Variants in PHACTR2 observed in about 807,000 individuals in gnomAD.
PHACTR2 encodes phosphatase and actin regulator 2, also known as chromosome 6 open reading frame 56.
Under a neutral mutation model 76.0 loss-of-function variants are expected in PHACTR2, and 30 were observed. The ratio of observed to expected loss-of-function variants is 0.39; its 90% confidence interval spans 0.30 to 0.54. The LOEUF (loss-of-function observed/expected upper bound fraction) is 0.54, where lower values mean the gene tolerates loss of function less well. Among genes scored for constraint, PHACTR2 ranks in the 20% least tolerant of loss-of-function variants. The probability of loss-of-function intolerance (pLI) is 0.61; values close to 1 mark genes in which losing one functional copy is unlikely to be tolerated. For missense variants in PHACTR2, 696 were observed against 781.1 expected (o/e 0.89, Z 1.30); for synonymous variants, 292 against 292.5 (o/e 1.00, Z 0.02).
At chr6:143,579,421 A>T (rs1482693377) in intron 1 of PHACTR2, among the ~76,000 whole-genome samples, 1 of 152,146 alleles carries the variant, frequency 6.6e-6, no homozygotes, top group Non-Finnish European at 1.5e-5. Flanking sequence ...GTAGAAAACA[A>T]AACAACAACA....
At position 143,618,002 on chromosome 6, in the gene PHACTR2, T is replaced by C. The variant is rs186838797; in HGVS notation, c.13+9680T>C. On this transcript the variant is annotated intron_variant, in intron 1 of 11. Transcript: ENST00000305766. This position sits in a 1 kb window ranked among gnomAD's most constrained non-coding sequence, Gnocchi z 5.2. ...AAAAACTATTTCTAAAGAGACTACA[T>C]GTGAAATTTAACTAAAAAGAGATGT... Among the ~76,000 whole-genome samples, 1 of 152,270 alleles carries C rather than the reference T, an allele frequency of 6.6e-6. No homozygotes were observed. Among genetic ancestry groups the C allele is most frequent in the African/African-American group, 2.4e-5 (1 of 41,558 alleles).
In PHACTR2 at chr6:143,616,606, T is replaced by C. The variant is rs1011150747; in HGVS notation, c.13+8284T>C. 4.6e-5 allele frequency among the ~76,000 whole-genome samples: 7 copies of C among 152,128 alleles called. No individual in the cohort carries two copies. Among genetic ancestry groups the C allele is most frequent in the African/African-American group, 1.4e-4 (6 of 41,412 alleles). On this transcript the variant is annotated intron_variant, in intron 1 of 11. Coordinates refer to the PHACTR2 transcript ENST00000305766. This position sits in a 1 kb window ranked among gnomAD's most constrained non-coding sequence, Gnocchi z 4.9. ...CTGTGCCACGCAATGTCCTAGTTAG[T>C]GTGGATATGAGAGAATGAAACGGAG...
Position 143,760,694 on chromosome 6 carries a change from G to T in PHACTR2, c.694+54G>T. The T allele has an allele frequency of 6.3e-7, 1 of 1,584,398 alleles. No individual in the cohort carries two copies. Among genetic ancestry groups the T allele is most frequent in the African/African-American group, 1.4e-5 (1 of 73,650 alleles). ...TCACTTCTAGGGTGCTTGGCTCTGG[G>T]ATGGGGCTAATTGTTTCTTCTAGGT... On this transcript the variant is annotated intron_variant, in intron 5 of 12. Transcript: ENST00000440869. The surrounding 1 kb of genome is among the most constrained non-coding windows in gnomAD (Gnocchi z 6.4).
At chr6:143,642,004 G>A (rs34549423) in intron 1 of PHACTR2, among the ~76,000 whole-genome samples, 6,454 of 152,234 alleles carry the variant, frequency 0.042, 173 homozygotes, top group Middle Eastern at 0.082. Context: ...CTACATAGAG[G>A]TGAATTATAT....
At chr6:143,804,988 C>G (rs1776032855) in intron 11 of PHACTR2, among the ~76,000 whole-genome samples, 1 of 152,100 alleles carries the variant, frequency 6.6e-6, no homozygotes, top group Admixed American at 6.5e-5. Context: ...TCCTGGTTTT[C>G]CAGATAAGAA....
chr6:143,814,256 T>C (rs944337416), intron 12 of PHACTR2, among the ~76,000 whole-genome samples: 2 of 152,194 alleles, frequency 1.3e-5, no homozygotes, highest in Non-Finnish European at 2.9e-5. Context: ...CTTGGTAGGC[T>C]GAGGCACAAG....
At chr6:143,786,449 C>T (rs562712077) in intron 10 of PHACTR2, among the ~76,000 whole-genome samples, 9 of 152,322 alleles carry the variant, frequency 5.9e-5, no homozygotes, top group African/African-American at 1.4e-4. Context: ...TTCCTATCTT[C>T]TTCTGAGCCT....
Position 143,772,599 on chromosome 6 carries a change from G to A in PHACTR2, c.1432+142G>A. On this transcript the variant is annotated intron_variant, in intron 7 of 12. Transcript: ENST00000440869. This position sits in a 1 kb window ranked among gnomAD's most constrained non-coding sequence, Gnocchi z 5.4. Reference sequence around the variant, plus strand: ...TCCTCCTTTCTCAAATTAGAAATGTGTATATCCTAAAGTTTAGCTTTTGAT... The same window carrying A: ...TCCTCCTTTCTCAAATTAGAAATGTATATATCCTAAAGTTTAGCTTTTGAT... 1 of 660,462 alleles carries A rather than the reference G, an allele frequency of 1.5e-6. No individual in the cohort carries two copies. The highest frequency in any genetic ancestry group is 2.6e-6 in the Non-Finnish European group (1 of 381,652). The allele number at this position is 660,462 out of a possible 1,614,324, so 40.9% of individuals were successfully genotyped here. A position where few individuals can be genotyped will look rare whatever the true frequency, so the allele number is the denominator to read the frequency against.
intron 1 of PHACTR2, among the ~76,000 whole-genome samples, chr6:143,609,747 T>C (rs1775947829): frequency 6.6e-6 from 1 of 152,230 alleles, no homozygotes; most frequent in African/African-American, 2.4e-5. Context: ...ATCACTTTAA[T>C]TCAAGTAAAT....
In PHACTR2 at chr6:143,755,416, G is replaced by T. The variant is rs189519357; in HGVS notation, c.454+1504G>T. 11 of 455,268 alleles carry T rather than the reference G, an allele frequency of 2.4e-5. No homozygotes were observed. In the Admixed American group the frequency reaches 2.6e-4, roughly 11 times the overall value. The allele number at this position is 455,268 out of a possible 1,614,324, so 28.2% of individuals were successfully genotyped here. ...ATCTCTGGTGCCTGGTCCGTGCAGG[G>T]TATTCGTCACTGGACTGGCCAGACA... On this transcript the variant is annotated intron_variant, in intron 4 of 12. Coordinates refer to ENST00000440869, the MANE Select transcript of PHACTR2 (RefSeq NM_001100164.2). This position sits in a 1 kb window ranked among gnomAD's most constrained non-coding sequence, Gnocchi z 5.2.
At chr6:143,569,983 AT>A (rs1417289754) in intron 1 of PHACTR2, among the ~76,000 whole-genome samples, 1 of 152,230 alleles carries the variant, frequency 6.6e-6, no homozygotes, top group Admixed American at 6.5e-5. Flanking sequence ...ACAGAATTCG[AT>A]TCAGTAGATG....
Position 143,618,256 on chromosome 6 carries a change from A to AACACACACAC in PHACTR2, c.13+9955_13+9964dup, listed in dbSNP as rs66800720. ...GTTCCACCTTGTACTTCCTGCTCCA[A>AACACACACAC]ACACACACACACACACACACACACA... On this transcript the variant is annotated intron_variant, in intron 1 of 11. Coordinates refer to the PHACTR2 transcript ENST00000305766. This position sits in a 1 kb window ranked among gnomAD's most constrained non-coding sequence, Gnocchi z 5.2. 4.6e-3 allele frequency among the ~76,000 whole-genome samples: 671 copies of AACACACACAC among 145,296 alleles called. 8 individuals are homozygous for AACACACACAC. The highest frequency in any genetic ancestry group is 0.015 in the African/African-American group (582 of 38,904).
At chr6:143,778,136 T>C (rs1159876883) in intron 9 of PHACTR2, among the ~76,000 whole-genome samples, 1 of 152,216 alleles carries the variant, frequency 6.6e-6, no homozygotes, top group Non-Finnish European at 1.5e-5. Context: ...TAGTTTTATA[T>C]ATTGTTAACC....
upstream of PHACTR2, among the ~76,000 whole-genome samples, chr6:143,674,639 T>C (rs1449269453): frequency 6.6e-6 from 1 of 152,078 alleles, no homozygotes. The surrounding 1 kb of genome is among the most constrained non-coding windows in gnomAD (Gnocchi z 4.9). Flanking sequence ...TCATAATTCC[T>C]CCACCCCTAA....
rs969987584 is a variant in PHACTR2, at chr6:143,653,582, G to A, written c.13+45260G>A. ...AAACTCTCACATTTTTAGAAAATTGGTTGTCAACAAGGATGCCAAGACAAT... is the reference window on the plus strand; with the variant it reads ...AAACTCTCACATTTTTAGAAAATTGATTGTCAACAAGGATGCCAAGACAAT... On this transcript the variant is annotated intron_variant, in intron 1 of 11. Coordinates refer to the PHACTR2 transcript ENST00000305766. This position sits in a 1 kb window ranked among gnomAD's most constrained non-coding sequence, Gnocchi z 4.9. Among the ~76,000 whole-genome samples, 2 of 151,748 alleles carry A rather than the reference G, an allele frequency of 1.3e-5. No homozygotes were observed. Among genetic ancestry groups the A allele is most frequent in the African/African-American group, 4.8e-5 (2 of 41,284 alleles).
rs1188151575 is a variant in PHACTR2 at position 143,709,679 on chromosome 6, T to C, written c.47-2337T>C. On this transcript the variant is annotated intron_variant, in intron 1 of 12. Coordinates refer to ENST00000440869, the MANE Select transcript of PHACTR2 (RefSeq NM_001100164.2). The surrounding 1 kb of genome is among the most constrained non-coding windows in gnomAD (Gnocchi z 4.4). ...ACATGCTGTGTATGTGTGTGGGGTG[T>C]CCTTGTTACTGTTGGGCACAGGTAG... 6.6e-6 allele frequency among the ~76,000 whole-genome samples: 1 copy of C among 152,180 alleles called. No individual in the cohort carries two copies. The highest frequency in any genetic ancestry group is 1.5e-5 in the Non-Finnish European group (1 of 68,026).
rs927889010 is a variant in PHACTR2 at position 143,547,101 on chromosome 6, T to C, written c.217+9894T>C. On this transcript the variant is annotated intron_variant, in intron 1 of 11. Transcript: ENST00000367584. This position sits in a 1 kb window ranked among gnomAD's most constrained non-coding sequence, Gnocchi z 4.2. Reference sequence around the variant, plus strand: ...TAGAATTTATGTCTTCAAATGAGTGTTATCTTTTAGAGTTGTCATATTGGA... The same window carrying C: ...TAGAATTTATGTCTTCAAATGAGTGCTATCTTTTAGAGTTGTCATATTGGA... Among the ~76,000 whole-genome samples the C allele has an allele frequency of 2.6e-5, 4 of 152,158 alleles. No homozygotes were observed. The highest frequency in any genetic ancestry group is 5.9e-5 in the Non-Finnish European group (4 of 68,030).
At position 143,548,450 on chromosome 6, in the gene PHACTR2, G is replaced by C. The variant is rs560113026; in HGVS notation, c.217+11243G>C. ...CTTTCCCTCCCTCCCAGACTTCTCTGATGCTGTGAGCATATATTCTCCTCA... is the reference window on the plus strand; with the variant it reads ...CTTTCCCTCCCTCCCAGACTTCTCTCATGCTGTGAGCATATATTCTCCTCA... On this transcript the variant is annotated intron_variant, in intron 1 of 11. Transcript: ENST00000367584. This position sits in a 1 kb window ranked among gnomAD's most constrained non-coding sequence, Gnocchi z 4.5. Among the ~76,000 whole-genome samples, 1 of 152,152 alleles carries C rather than the reference G, an allele frequency of 6.6e-6. No homozygotes were observed. Among genetic ancestry groups the C allele is most frequent in the Admixed American group, 6.5e-5 (1 of 15,276 alleles).
In PHACTR2 at chr6:143,748,631, A is replaced by G. The variant is rs115046271; in HGVS notation, c.215-354A>G. Reference sequence around the variant, plus strand: ...GTAAGCATACATATCTTCTTCATACACTGCATATCCATAGAATTATATGTT... The same window carrying G: ...GTAAGCATACATATCTTCTTCATACGCTGCATATCCATAGAATTATATGTT... On this transcript the variant is annotated intron_variant, in intron 2 of 12. Coordinates refer to ENST00000440869, the MANE Select transcript of PHACTR2 (RefSeq NM_001100164.2). Among the ~76,000 whole-genome samples the G allele has an allele frequency of 9.6e-3, 1,459 of 152,328 alleles. 28 individuals are homozygous for G. The highest frequency in any genetic ancestry group is 0.031 in the African/African-American group (1,309 of 41,570).
Sources: gnomAD v4.1 joint callset for allele counts (sites outside exome capture counted in the v4.1 genomes callset) on GRCh38, gnomAD v4.1.1 for gene constraint, Gnocchi (gnomAD v3.1) non-coding constraint, MANE v1.5 for transcripts, NCBI Gene and HGNC (gene_info 2026-07-23, HGNC 2026-07-21) for gene names.